Variants in LY96 observed in about 807,000 individuals in gnomAD.
LY96 encodes the protein myeloid differentiation protein-2.
A neutral mutation model predicts 18.9 loss-of-function variants in LY96; 18 were observed. The observed-to-expected ratio is 0.95, with a 90% confidence interval of 0.66 to 1.41. The LOEUF (loss-of-function observed/expected upper bound fraction) is 1.41, where lower values mean the gene tolerates loss of function less well. Ranked by LOEUF, LY96 falls within the 40% of genes most tolerant of loss-of-function variation. The pLI, the probability that LY96 is intolerant of heterozygous loss-of-function variation, is 0.00. For missense variants in LY96, 175 were observed against 182.4 expected (o/e 0.96, Z 0.23); for synonymous variants, 66 against 62.6 (o/e 1.06, Z -0.26).
intron 3 of LY96, among the ~76,000 whole-genome samples, chr8:74,016,593 C>T (rs557820910): frequency 1.4e-4 from 21 of 152,334 alleles, no homozygotes; most frequent in Admixed American, 4.6e-4. Context: ...TAGCCTAACT[C>T]GGAGACACCT....
chr8:74,096,518 G>A, the LY96 span, among the ~76,000 whole-genome samples: 2 of 152,084 alleles, frequency 1.3e-5, no homozygotes, highest in Non-Finnish European at 2.9e-5. Context: ...TCTTGCTGAG[G>A]TCACCTTGAC....
chr8:74,096,333 C>T, the LY96 span, among the ~76,000 whole-genome samples: 1 of 152,180 alleles, frequency 6.6e-6, no homozygotes, highest in Non-Finnish European at 1.5e-5. Flanking sequence ...CCCTCTCTGA[C>T]TCCTCTTCCT....
chr8:74,078,365 A>G, the LY96 span, among the ~76,000 whole-genome samples: 1 of 152,200 alleles, frequency 6.6e-6, no homozygotes, highest in Admixed American at 6.5e-5. Flanking sequence ...GTAAGACAGG[A>G]CAGAAAGCAA....
At chr8:74,094,236 T>C in the LY96 span, among the ~76,000 whole-genome samples, 1 of 151,522 alleles carries the variant, frequency 6.6e-6, no homozygotes, top group African/African-American at 2.4e-5. Flanking sequence ...TGACTGTGGG[T>C]GAGGTAGTGG....
Position 74,016,197 on chromosome 8 carries a change from A to T in LY96, c.331+6068A>T, listed in dbSNP as rs867219815. Among the ~76,000 whole-genome samples the T allele has an allele frequency of 3.3e-5, 5 of 152,352 alleles. No individual in the cohort carries two copies. In the East Asian group the frequency reaches 9.6e-4, roughly 29 times the overall value. ...TTCCAATGGTCTTAGCAAACAGCAC[A>T]CCAGGAGATTATATCCTGTGCATGG... On this transcript the variant is annotated intron_variant, in intron 3 of 4. Transcript: ENST00000284818.
the LY96 span, among the ~76,000 whole-genome samples, chr8:74,049,256 C>T: frequency 1.3e-5 from 2 of 152,110 alleles, no homozygotes; most frequent in Non-Finnish European, 2.9e-5. Flanking sequence ...GGATCAGGTC[C>T]CTCCCTCTTG....
downstream of LY96, among the ~76,000 whole-genome samples, chr8:74,031,978 A>G (rs1215766260): frequency 6.6e-6 from 1 of 151,922 alleles, no homozygotes; most frequent in Non-Finnish European, 1.5e-5. Flanking sequence ...TACAAAAATT[A>G]TCTGGTAGTG....
the LY96 span, among the ~76,000 whole-genome samples, chr8:74,034,669 T>G: frequency 1.3e-5 from 2 of 152,190 alleles, no homozygotes; most frequent in South Asian, 4.1e-4. Flanking sequence ...AGAATCATGG[T>G]ATTCTGAAGA....
the LY96 span, among the ~76,000 whole-genome samples, chr8:74,070,778 G>T: frequency 6.6e-6 from 1 of 152,018 alleles, no homozygotes; most frequent in South Asian, 2.1e-4. Context: ...ATAGGGAATG[G>T]CACTAGAGAC....
intron 3 of LY96, among the ~76,000 whole-genome samples, chr8:74,012,779 C>G (rs116527894): frequency 0.024 from 3,577 of 151,566 alleles, 137 homozygotes; most frequent in African/African-American, 0.081. Context: ...TGAGCCATTG[C>G]CATACAATAA....
the LY96 span, among the ~76,000 whole-genome samples, chr8:74,060,487 C>G: frequency 1.3e-5 from 2 of 152,234 alleles, no homozygotes; most frequent in South Asian, 4.1e-4. Flanking sequence ...AACACCTAGA[C>G]AGTGAACTCC....
chr8:74,037,493 A>T, the LY96 span, among the ~76,000 whole-genome samples: 1 of 152,040 alleles, frequency 6.6e-6, no homozygotes, highest in Non-Finnish European at 1.5e-5. Context: ...TTAGCCAAGC[A>T]TCGCAGCACC....
the LY96 span, among the ~76,000 whole-genome samples, chr8:74,088,124 A>AGAATGGAATGGAATGGAATGGAATG: frequency 4.0e-5 from 6 of 151,586 alleles, no homozygotes; most frequent in African/African-American, 1.5e-4. Flanking sequence ...AGAATAGAAT[A>AGAATGGAATGGAATGGAATGGAATG]GAATAGAATA....
the LY96 span, among the ~76,000 whole-genome samples, chr8:74,063,345 A>G: frequency 2.6e-5 from 4 of 152,218 alleles, no homozygotes; most frequent in Non-Finnish European, 5.9e-5. Flanking sequence ...AATCCAGATC[A>G]TACTCAAGGA....
At chr8:73,993,332 GTGGC>G in intron 1 of LY96, among the ~76,000 whole-genome samples, 1 of 151,816 alleles carries the variant, frequency 6.6e-6, no homozygotes, top group South Asian at 2.1e-4. Context: ...GCTGGAGTGA[GTGGC>G]ATGATCTCCA....
chr8:74,055,672 T>G, the LY96 span, among the ~76,000 whole-genome samples: 2 of 152,166 alleles, frequency 1.3e-5, no homozygotes, highest in Admixed American at 6.5e-5. Flanking sequence ...ACAGGGAAGA[T>G]TACCCTAGAT....
the LY96 span, among the ~76,000 whole-genome samples, chr8:74,040,161 C>A: frequency 1.3e-5 from 2 of 152,102 alleles, no homozygotes; most frequent in Non-Finnish European, 2.9e-5. Flanking sequence ...AGTAATGCAA[C>A]GAAGAGTAAT....
intron 3 of LY96, among the ~76,000 whole-genome samples, chr8:74,013,247 C>T (rs1015515821): frequency 7.9e-5 from 12 of 152,002 alleles, no homozygotes; most frequent in Non-Finnish European, 1.2e-4. Context: ...CTCAGCCTCC[C>T]GAGTAGCTGG....
At chr8:74,002,024 T>G (rs1586648554) in intron 1 of LY96, among the ~76,000 whole-genome samples, 1 of 20,390 alleles carries the variant, frequency 4.9e-5, no homozygotes, top group East Asian at 1.3e-3. Context: ...CCTTCCTTCC[T>G]TCCTTCCTTC....
Sources: allele counts gnomAD v4.1 joint callset (sites outside exome capture counted in the v4.1 genomes callset), GRCh38; gene constraint gnomAD v4.1.1; transcripts MANE v1.5; gene names NCBI Gene and HGNC (gene_info 2026-07-23, HGNC 2026-07-21).